Variants in RPSA2 observed in about 807,000 individuals in gnomAD.
RPSA2 encodes the protein ribosomal protein SA 2, also known as small ribosomal subunit protein uS2B.
At chr19:23,770,397 A>G in the RPSA2 span, among the ~76,000 whole-genome samples, 1 of 152,136 alleles carries the variant, frequency 6.6e-6, no homozygotes, top group African/African-American at 2.4e-5. Context: ...TGACATGGGA[A>G]CTGCCCATGG....
the RPSA2 span, among the ~76,000 whole-genome samples, chr19:23,814,288 C>A: frequency 6.6e-6 from 1 of 150,918 alleles, no homozygotes; most frequent in Non-Finnish European, 1.5e-5. Context: ...AGGAAATAAT[C>A]GAACTTAATT....
the RPSA2 span, among the ~76,000 whole-genome samples, chr19:23,863,567 A>G: frequency 5.9e-4 from 2 of 3,374 alleles, no homozygotes; most frequent in Non-Finnish European, 1.8e-3. Context: ...TCCAACTCAA[A>G]AAAAAAAAAA....
At chr19:23,848,006 TTC>T in the RPSA2 span, among the ~76,000 whole-genome samples, 8 of 152,156 alleles carry the variant, frequency 5.3e-5, no homozygotes, top group Non-Finnish European at 8.8e-5. Flanking sequence ...ATCGCTGCTA[TTC>T]TGTTCTTTTT....
chr19:23,796,732 T>C, the RPSA2 span, among the ~76,000 whole-genome samples: 4 of 152,228 alleles, frequency 2.6e-5, no homozygotes, highest in African/African-American at 9.6e-5. Context: ...CTTGTTTGTG[T>C]GCACAGAGGT....
At chr19:23,869,547 TA>T in the RPSA2 span, among the ~76,000 whole-genome samples, 33 of 152,240 alleles carry the variant, frequency 2.2e-4, no homozygotes, top group East Asian at 2.1e-3. Context: ...ATTGGGGAAC[TA>T]AAGGTCAACT....
At chr19:23,851,723 C>T in the RPSA2 span, among the ~76,000 whole-genome samples, 2 of 152,284 alleles carry the variant, frequency 1.3e-5, no homozygotes, top group Non-Finnish European at 1.5e-5. Flanking sequence ...CCAGCATTTC[C>T]GTTACTGGAG....
At chr19:23,825,469 G>A in the RPSA2 span, among the ~76,000 whole-genome samples, 1 of 151,926 alleles carries the variant, frequency 6.6e-6, no homozygotes, top group African/African-American at 2.4e-5. Context: ...TTATCTCTGT[G>A]TTTGTTTTCC....
chr19:23,809,734 TTA>T, the RPSA2 span, among the ~76,000 whole-genome samples: 1 of 6,732 alleles, frequency 1.5e-4, no homozygotes, highest in South Asian at 0.056. Flanking sequence ...AATGTACTGT[TTA>T]TGTTTTTTTT....
chr19:23,870,943 G>A, the RPSA2 span, among the ~76,000 whole-genome samples: 1 of 152,156 alleles, frequency 6.6e-6, no homozygotes, highest in African/African-American at 2.4e-5. Context: ...GCTAAGGGGA[G>A]CCACTCCCTG....
chr19:23,814,235 T>G, the RPSA2 span, among the ~76,000 whole-genome samples: 6 of 143,506 alleles, frequency 4.2e-5, no homozygotes, highest in Non-Finnish European at 1.5e-5. Flanking sequence ...AAAAAAGAAG[T>G]TATCTTCTAT....
chr19:23,814,463 T>G, the RPSA2 span, among the ~76,000 whole-genome samples: 1 of 152,198 alleles, frequency 6.6e-6, no homozygotes, highest in African/African-American at 2.4e-5. Context: ...ATCTGTCTTT[T>G]TGTCAGTACC....
the RPSA2 span, among the ~76,000 whole-genome samples, chr19:23,820,198 C>T: frequency 6.6e-6 from 1 of 152,144 alleles, no homozygotes; most frequent in Non-Finnish European, 1.5e-5. Flanking sequence ...TTGTTCTGGG[C>T]ACAAGTTAGG....
the RPSA2 span, among the ~76,000 whole-genome samples, chr19:23,783,344 C>T: frequency 3.3e-5 from 5 of 152,048 alleles, no homozygotes; most frequent in African/African-American, 1.2e-4. Context: ...ATTTGACTGT[C>T]TTAGCCTCCC....
At chr19:23,775,595 C>T in the RPSA2 span, among the ~76,000 whole-genome samples, 13 of 152,348 alleles carry the variant, frequency 8.5e-5, no homozygotes, top group East Asian at 2.5e-3. Context: ...TAAAGATTTT[C>T]ATCTTTTCAC....
the RPSA2 span, chr19:23,818,251 G>C: frequency 6.6e-6 from 1 of 152,152 alleles, no homozygotes; most frequent in Non-Finnish European, 1.5e-5. Context: ...ACAAGGAGGG[G>C]TAAGAGACAA....
the RPSA2 span, among the ~76,000 whole-genome samples, chr19:23,808,494 C>T: frequency 2.6e-5 from 4 of 151,896 alleles, no homozygotes; most frequent in Non-Finnish European, 4.4e-5. Context: ...CTCAAACTCC[C>T]GACCTCGTGA....
At chr19:23,783,984 G>A in the RPSA2 span, among the ~76,000 whole-genome samples, 148,921 of 152,244 alleles carry the variant, frequency 0.98, 72,929 homozygotes, top group Middle Eastern at 1. Flanking sequence ...GCATGCTCTC[G>A]GGGAAGATTG....
the RPSA2 span, among the ~76,000 whole-genome samples, chr19:23,777,675 G>A: frequency 6.6e-6 from 1 of 152,044 alleles, no homozygotes; most frequent in South Asian, 2.1e-4. Flanking sequence ...AGAAGATTGT[G>A]ACATCACTGG....
the RPSA2 span, among the ~76,000 whole-genome samples, chr19:23,761,913 T>TCCC: frequency 4.9e-4 from 15 of 30,804 alleles, no homozygotes; most frequent in Admixed American, 4.4e-3. Flanking sequence ...TCTTTCTTTC[T>TCCC]TTCTTTCTTT....
Sources: allele counts gnomAD v4.1 joint callset (sites outside exome capture counted in the v4.1 genomes callset), GRCh38; gene constraint gnomAD v4.1.1; transcripts MANE v1.5; gene names NCBI Gene and HGNC (gene_info 2026-07-23, HGNC 2026-07-21).